The following TRAK1 variants were observed in gnomAD, a reference collection of about 807,000 sequenced individuals.
The protein encoded by TRAK1 is trafficking kinesin-binding protein 1.
A neutral mutation model predicts 92.1 loss-of-function variants in TRAK1; 33 were observed. The ratio of observed to expected loss-of-function variants is 0.36; its 90% CI spans 0.27 to 0.48. The LOEUF (loss-of-function observed/expected upper bound fraction) is 0.48. TRAK1 is among the 20% of genes least tolerant of loss of function. TRAK1 has a pLI of 0.99. For synonymous variants in TRAK1, 521 were observed against 517.3 expected (o/e 1.01, Z -0.10); for missense variants, 1,123 against 1,257.9 (o/e 0.89, Z 1.62).
At chr3:42,096,835 AATGGTGCCTC>A (rs1391387857) in intron 1 of TRAK1, among the ~76,000 whole-genome samples, 1 of 152,198 alleles carries the variant, frequency 6.6e-6, no homozygotes, top group Admixed American at 6.5e-5. Context: ...TTGCATTTTA[AATGGTGCCTC>A]AAGCACCATT....
intron 1 of TRAK1, among the ~76,000 whole-genome samples, chr3:42,021,069 AAAAC>A (rs1236250493): frequency 3.3e-5 from 5 of 152,234 alleles, no homozygotes; most frequent in African/African-American, 9.6e-5. Flanking sequence ...TTAAAAACTC[AAAAC>A]AAACAAAAAA....
chr3:42,181,614 C>T (rs1704018290), intron 3 of TRAK1, among the ~76,000 whole-genome samples: 1 of 152,162 alleles, frequency 6.6e-6, no homozygotes, highest in South Asian at 2.1e-4. Context: ...AGCCTGGATG[C>T]ATGAAGGCAA....
chr3:42,182,495 G>A (rs1704165069), intron 3 of TRAK1, among the ~76,000 whole-genome samples: 1 of 152,134 alleles, frequency 6.6e-6, no homozygotes. Context: ...GTTTTGCCAT[G>A]TTGGCCAGGC....
chr3:42,138,615 G>A (rs979377055), intron 2 of TRAK1, among the ~76,000 whole-genome samples: 1 of 151,806 alleles, frequency 6.6e-6, no homozygotes, highest in African/African-American at 2.4e-5. Context: ...GGCCAGATGT[G>A]GCGGCTCACA....
At chr3:42,103,152 T>A (rs1203059174) in intron 1 of TRAK1, among the ~76,000 whole-genome samples, 1 of 152,056 alleles carries the variant, frequency 6.6e-6, no homozygotes, top group Non-Finnish European at 1.5e-5. Context: ...TCCTCGCATC[T>A]CCCACAGTGT....
intron 14 of TRAK1, among the ~76,000 whole-genome samples, chr3:42,213,867 A>T (rs535659022): frequency 6.6e-6 from 1 of 152,258 alleles, no homozygotes; most frequent in African/African-American, 2.4e-5. Flanking sequence ...GCCTGGTTTT[A>T]TGGCAGTTAT....
At chr3:42,054,727 CTT>C (rs1347708571) in intron 1 of TRAK1, among the ~76,000 whole-genome samples, 3 of 151,928 alleles carry the variant, frequency 2.0e-5, no homozygotes. Context: ...GTGGAAATAA[CTT>C]TTTTATTCCC....
At chr3:42,074,912 G>C (rs1704086451) in intron 1 of TRAK1, among the ~76,000 whole-genome samples, 1 of 152,084 alleles carries the variant, frequency 6.6e-6, no homozygotes, top group Non-Finnish European at 1.5e-5. Context: ...GCGTCCATGT[G>C]TATTCAGTGT....
intron 14 of TRAK1, chr3:42,217,663 T>C (rs1000078637): frequency 4.1e-6 from 4 of 985,328 alleles, no homozygotes; most frequent in Non-Finnish European, 4.8e-6. Context: ...TGATTTCTTT[T>C]AAATGTTATC....
At chr3:42,060,131 G>A (rs574294811) in intron 1 of TRAK1, among the ~76,000 whole-genome samples, 7 of 152,124 alleles carry the variant, frequency 4.6e-5, no homozygotes, top group South Asian at 2.1e-4. Context: ...AAGAAATCCT[G>A]TTAGCAGTGA....
At chr3:42,166,198 G>T (rs1701843451) in intron 2 of TRAK1, among the ~76,000 whole-genome samples, 1 of 152,118 alleles carries the variant, frequency 6.6e-6, no homozygotes. Context: ...AGACAGATCA[G>T]GCCCTTCCAT....
intron 1 of TRAK1, among the ~76,000 whole-genome samples, chr3:42,029,549 A>ATTT (rs58539922): frequency 7.3e-6 from 1 of 136,430 alleles, no homozygotes; most frequent in African/African-American, 2.7e-5. Flanking sequence ...GCCTGATAGA[A>ATTT]TTTTTTTTTT....
chr3:42,193,322 G>C (rs55720913), intron 8 of TRAK1, 117 bp downstream of exon 8: 84,811 of 1,420,468 alleles, frequency 0.06, 2,744 homozygotes, highest in Middle Eastern at 0.076. Context: ...TCGTGTTGCC[G>C]CTTTGCAGAA....
At chr3:42,042,795 A>G (rs895854134) in intron 1 of TRAK1, among the ~76,000 whole-genome samples, 10 of 152,166 alleles carry the variant, frequency 6.6e-5, no homozygotes, top group African/African-American at 1.9e-4. Context: ...GATGGAATAC[A>G]GTTCTTAATG....
chr3:42,084,356 T>G (rs1462214622), upstream of TRAK1, among the ~76,000 whole-genome samples: 2 of 152,208 alleles, frequency 1.3e-5, no homozygotes, highest in Non-Finnish European at 2.9e-5. Context: ...TCCCAGCTAC[T>G]TGGGAGGCTC....
intron 1 of TRAK1, among the ~76,000 whole-genome samples, chr3:42,091,866 C>T (rs545852971): frequency 8.5e-5 from 13 of 152,222 alleles, no homozygotes; most frequent in Admixed American, 7.2e-4. Context: ...AGCCCAGACC[C>T]CCTGCACTGC....
At chr3:42,048,430 A>G (rs1051763796) in intron 1 of TRAK1, among the ~76,000 whole-genome samples, 1 of 152,328 alleles carries the variant, frequency 6.6e-6, no homozygotes, top group Non-Finnish European at 1.5e-5. Context: ...TCAAAGGTCA[A>G]TGAAAACCAC....
intron 3 of TRAK1, among the ~76,000 whole-genome samples, chr3:42,183,568 A>AAAAAAAAAAAAAAG (rs1553751625): frequency 6.2e-5 from 9 of 145,218 alleles, no homozygotes; most frequent in African/African-American, 7.5e-5. Flanking sequence ...AAAAAAAAAA[A>AAAAAAAAAAAAAAG]AAAGAAAGAA....
Position 42,223,822 on chromosome 3 carries a change from C to A in TRAK1, c.*85C>A. 7.0e-7 allele frequency: 1 copy of A among 1,424,938 alleles called. No homozygotes were observed. The highest frequency in any genetic ancestry group is 9.6e-7 in the Non-Finnish European group (1 of 1,041,854). 88.3% of individuals were successfully genotyped at this position (1,424,938 alleles called of 1,614,324 possible). A position where few individuals can be genotyped will look rare whatever the true frequency, so the allele number is the denominator to read the frequency against. ...CTCCCTCTCTTCCCCCCACAGTGCA[C>A]TCCCTCCCTCTGCCCTTCTCTGTCC... is the stretch of plus-strand genomic sequence containing the variant. On this transcript the variant is annotated 3_prime_UTR_variant, in exon 16 of 16. Coordinates refer to ENST00000327628, the MANE Select transcript of TRAK1 (RefSeq NM_001042646.3). This position sits in a 1 kb window ranked among gnomAD's most constrained non-coding sequence, Gnocchi z 6.1.
Sources: gnomAD v4.1 joint callset for allele counts (sites outside exome capture counted in the v4.1 genomes callset) on GRCh38, gnomAD v4.1.1 for gene constraint, Gnocchi (gnomAD v3.1) non-coding constraint, MANE v1.5 for transcripts, NCBI Gene and HGNC (gene_info 2026-07-23, HGNC 2026-07-21) for gene names.